Variants in SCAPER observed in about 807,000 individuals in gnomAD.
SCAPER encodes the protein S-phase cyclin A associated protein in the ER.
SCAPER carries 98 observed loss-of-function variants against 182.2 expected under a neutral mutation model. The ratio of observed to expected loss-of-function variants is 0.54; its 90% CI spans 0.46 to 0.64. The LOEUF is 0.64. Among genes scored for constraint, SCAPER ranks in the 30% least tolerant of loss-of-function variants. The pLI is 0.00. For missense variants in SCAPER, 1,432 were observed against 1,690.0 expected (o/e 0.85, Z 2.68); for synonymous variants, 605 against 564.6 (o/e 1.07, Z -1.01).
chr15:76,597,192 A>T lies in SCAPER; in HGVS notation c.2712-22908T>A, dbSNP rs1481597617. On this transcript the variant is annotated intron_variant, in intron 22 of 31. Transcript: ENST00000563290. ...GGACAGAGAGTCAAATCATGAGTGAACTCCCATTCACAATTGCTACAAAGA... is the reference window on the plus strand; with the variant it reads ...GGACAGAGAGTCAAATCATGAGTGATCTCCCATTCACAATTGCTACAAAGA... Among the ~76,000 whole-genome samples the T allele has an allele frequency of 3.3e-5, 4 of 121,982 alleles. 1 individual carries two copies. Among genetic ancestry groups the T allele is most frequent in the Non-Finnish European group, 8.0e-5 (4 of 50,232 alleles). 80.0% of individuals were successfully genotyped at this position (121,982 alleles called of 152,430 possible). A position where few individuals can be genotyped will look rare whatever the true frequency, so the allele number is the denominator to read the frequency against.
chr15:76,836,654 A>C (rs915750716), intron 5 of SCAPER, among the ~76,000 whole-genome samples: 2 of 152,158 alleles, frequency 1.3e-5, no homozygotes, highest in Non-Finnish European at 2.9e-5. Flanking sequence ...TGGGAGGATC[A>C]CGAGGTCAGG....
At chr15:76,581,946 T>C (rs188963609) in intron 22 of SCAPER, among the ~76,000 whole-genome samples, 2 of 152,270 alleles carry the variant, frequency 1.3e-5, no homozygotes, top group Admixed American at 1.3e-4. Context: ...AAAAACTGTG[T>C]ATAGAAGGAA....
chr15:76,478,135 T>C (rs2050807080), intron 24 of SCAPER, among the ~76,000 whole-genome samples: 1 of 152,110 alleles, frequency 6.6e-6, no homozygotes, highest in African/African-American at 2.4e-5. Context: ...AATATAAACT[T>C]GATTTAGGCA....
intron 21 of SCAPER, among the ~76,000 whole-genome samples, chr15:76,652,243 G>A (rs1181776930): frequency 4.8e-5 from 3 of 62,602 alleles, no homozygotes; most frequent in African/African-American, 2.0e-4. Flanking sequence ...CATGGCGAAC[G>A]CTGTGTCTCT....
chr15:76,588,326 C>T (rs934748110), intron 22 of SCAPER, among the ~76,000 whole-genome samples: 1 of 152,194 alleles, frequency 6.6e-6, no homozygotes, highest in African/African-American at 2.4e-5. Flanking sequence ...TGTTGTACAA[C>T]ATCTTTCATC....
intron 22 of SCAPER, among the ~76,000 whole-genome samples, chr15:76,580,590 A>G (rs532625059): frequency 1.3e-5 from 2 of 152,298 alleles, no homozygotes; most frequent in South Asian, 4.1e-4. Context: ...CCCCATCTCC[A>G]CACATAAAAA....
intron 21 of SCAPER, among the ~76,000 whole-genome samples, chr15:76,623,241 C>A (rs1238874018): frequency 6.6e-6 from 1 of 152,140 alleles, no homozygotes; most frequent in South Asian, 2.1e-4. Flanking sequence ...TGAGCAGAAG[C>A]TCTTTAATTA....
At chr15:76,853,684 TC>T (rs1371446947) in intron 4 of SCAPER, among the ~76,000 whole-genome samples, 1 of 152,138 alleles carries the variant, frequency 6.6e-6, no homozygotes, top group African/African-American at 2.4e-5. Flanking sequence ...AAAAGAGCTA[TC>T]TATGACAAAG....
At chr15:76,739,543 T>C (rs1020108432) in intron 15 of SCAPER, among the ~76,000 whole-genome samples, 16 of 152,196 alleles carry the variant, frequency 1.1e-4, no homozygotes, top group African/African-American at 3.6e-4. Context: ...AATGAGCAGA[T>C]AGCATATACG....
At chr15:76,714,490 G>C (rs1598326752) in intron 17 of SCAPER, among the ~76,000 whole-genome samples, 1 of 152,030 alleles carries the variant, frequency 6.6e-6, no homozygotes, top group African/African-American at 2.4e-5. Context: ...GCATATACTA[G>C]ACTACAGTGT....
chr15:76,568,037 G>T (rs915778409), intron 23 of SCAPER, among the ~76,000 whole-genome samples: 2 of 151,738 alleles, frequency 1.3e-5, no homozygotes, highest in Non-Finnish European at 2.9e-5. Flanking sequence ...TTTTGTTTAT[G>T]ATGTGAGATA....
chr15:76,469,192 T>C (rs1402491324), intron 25 of SCAPER, among the ~76,000 whole-genome samples: 1 of 152,192 alleles, frequency 6.6e-6, no homozygotes, highest in Non-Finnish European at 1.5e-5. Flanking sequence ...TCATTACTTG[T>C]TCTGTTCAAA....
At chr15:76,371,570 G>A (rs1435627462) in intron 29 of SCAPER, among the ~76,000 whole-genome samples, 1 of 148,276 alleles carries the variant, frequency 6.7e-6, no homozygotes, top group Non-Finnish European at 1.5e-5. Context: ...CGCCCACCCC[G>A]GCCTCTCAAA....
intron 1 of SCAPER, among the ~76,000 whole-genome samples, chr15:76,897,215 A>G (rs2074488597): frequency 6.6e-6 from 1 of 152,200 alleles, no homozygotes; most frequent in African/African-American, 2.4e-5. Context: ...GATAATGGGG[A>G]ATTTTTTTGT....
chr15:76,746,678 C>T (rs1359073201), intron 15 of SCAPER, among the ~76,000 whole-genome samples: 3 of 152,064 alleles, frequency 2.0e-5, no homozygotes, highest in African/African-American at 7.2e-5. Flanking sequence ...AACAAGATTA[C>T]AAGACATAAG....
At chr15:76,605,842 T>C (rs1003696992) in intron 22 of SCAPER, among the ~76,000 whole-genome samples, 5 of 152,218 alleles carry the variant, frequency 3.3e-5, no homozygotes, top group Non-Finnish European at 7.3e-5. Flanking sequence ...TGATGGTAGT[T>C]TGTATTTCTG....
intron 22 of SCAPER, among the ~76,000 whole-genome samples, chr15:76,607,060 T>C (rs1386309772): frequency 1.3e-5 from 2 of 152,240 alleles, no homozygotes; most frequent in African/African-American, 4.8e-5. Flanking sequence ...CCTGTCATTA[T>C]GATGTTAGCT....
At chr15:76,797,000 T>C in intron 7 of SCAPER, among the ~76,000 whole-genome samples, 1 of 152,186 alleles carries the variant, frequency 6.6e-6, no homozygotes, top group East Asian at 1.9e-4. Context: ...GATACGGCAG[T>C]AATCTTGCCT....
At chr15:76,799,856 T>C (rs1337389012) in intron 7 of SCAPER, among the ~76,000 whole-genome samples, 1 of 152,134 alleles carries the variant, frequency 6.6e-6, no homozygotes, top group Non-Finnish European at 1.5e-5. Context: ...TCCATTCCCC[T>C]GGTTAGCTTT....
Sources: gnomAD v4.1 joint callset for allele counts (sites outside exome capture counted in the v4.1 genomes callset) on GRCh38, gnomAD v4.1.1 for gene constraint, MANE v1.5 for transcripts, NCBI Gene and HGNC (gene_info 2026-07-23, HGNC 2026-07-21) for gene names.